CSTPP1: variants seen among roughly 807,000 people sequenced by gnomAD.
CSTPP1 encodes the protein centriolar satellite-associated tubulin polyglutamylase complex regulator 1, also known as UPF0705 protein C11orf49.
the CSTPP1 span, among the ~76,000 whole-genome samples, chr11:47,029,231 G>T: frequency 6.6e-6 from 1 of 152,070 alleles, no homozygotes; most frequent in African/African-American, 2.4e-5. Flanking sequence ...TGCCCCAAAA[G>T]TCTTCTCCTC....
chr11:46,979,525 A>C, the CSTPP1 span, among the ~76,000 whole-genome samples: 2 of 152,182 alleles, frequency 1.3e-5, no homozygotes, highest in African/African-American at 4.8e-5. Flanking sequence ...AACTGTGGGA[A>C]ACTTAAGTGC....
the CSTPP1 span, among the ~76,000 whole-genome samples, chr11:47,068,819 G>A: frequency 5.9e-5 from 9 of 152,106 alleles, no homozygotes; most frequent in Non-Finnish European, 8.8e-5. Flanking sequence ...GACAACATCT[G>A]TCTTCTCATC....
At chr11:47,029,838 C>G in the CSTPP1 span, among the ~76,000 whole-genome samples, 1 of 151,130 alleles carries the variant, frequency 6.6e-6, no homozygotes, top group East Asian at 2.0e-4. Flanking sequence ...TGGCTCACAC[C>G]TATAATCCTA....
chr11:46,959,864 A>AT, the CSTPP1 span, among the ~76,000 whole-genome samples: 1 of 143,106 alleles, frequency 7.0e-6, no homozygotes, highest in African/African-American at 3.0e-5. Context: ...GGGTTTAAAT[A>AT]ATTTTTTTTT....
chr11:46,988,770 C>G, the CSTPP1 span, among the ~76,000 whole-genome samples: 2 of 152,070 alleles, frequency 1.3e-5, no homozygotes, highest in African/African-American at 4.8e-5. Flanking sequence ...GGTGGATACC[C>G]TATTCTCCAT....
chr11:47,040,261 A>G, the CSTPP1 span, among the ~76,000 whole-genome samples: 4 of 128,670 alleles, frequency 3.1e-5, 2 homozygotes, highest in Non-Finnish European at 7.4e-5. Flanking sequence ...AGAACATTCT[A>G]CAAAGTAACC....
the CSTPP1 span, among the ~76,000 whole-genome samples, chr11:47,136,091 C>G: frequency 6.6e-6 from 1 of 152,122 alleles, no homozygotes; most frequent in African/African-American, 2.4e-5. Flanking sequence ...CACTCTGACT[C>G]TCCCTAAGAA....
the CSTPP1 span, among the ~76,000 whole-genome samples, chr11:46,956,918 T>C: frequency 6.6e-6 from 1 of 151,476 alleles, no homozygotes; most frequent in Admixed American, 6.6e-5. Context: ...ATAGTATATA[T>C]GTATATATAT....
At chr11:46,973,307 T>C in the CSTPP1 span, among the ~76,000 whole-genome samples, 1 of 152,176 alleles carries the variant, frequency 6.6e-6, no homozygotes, top group Non-Finnish European at 1.5e-5. Context: ...TTGCCAGATA[T>C]ATTAGTTTGA....
At chr11:46,991,890 G>A in the CSTPP1 span, among the ~76,000 whole-genome samples, 9,222 of 152,102 alleles carry the variant, frequency 0.061, 366 homozygotes, top group Middle Eastern at 0.095. Context: ...ACAGGCACCC[G>A]CCACCATACC....
At chr11:47,122,091 A>AAAAAAAAAAAAAATATATATATAT in the CSTPP1 span, among the ~76,000 whole-genome samples, 1 of 31,834 alleles carries the variant, frequency 3.1e-5, no homozygotes, top group African/African-American at 9.7e-5. Flanking sequence ...AAAAAAAAAA[A>AAAAAAAAAAAAAATATATATATAT]ATATATATAT....
the CSTPP1 span, among the ~76,000 whole-genome samples, chr11:47,088,544 ATATT>A: frequency 3.3e-5 from 5 of 152,006 alleles, no homozygotes; most frequent in East Asian, 3.9e-4. Flanking sequence ...AATTTTAGTA[ATATT>A]TATTTATTTA....
At chr11:47,012,045 C>T in the CSTPP1 span, among the ~76,000 whole-genome samples, 6 of 151,382 alleles carry the variant, frequency 4.0e-5, no homozygotes, top group African/African-American at 4.9e-5. Flanking sequence ...GAGGCTGAAG[C>T]GGGAGGATTG....
At chr11:47,110,890 C>CTTTTTTTTTTTTTTTT in the CSTPP1 span, among the ~76,000 whole-genome samples, 1 of 125,472 alleles carries the variant, frequency 8.0e-6, no homozygotes, top group South Asian at 2.6e-4. Context: ...GAGAACACAT[C>CTTTTTTTTTTTTTTTT]TTTTTTTTTT....
At chr11:47,156,041 TA>T in the CSTPP1 span, 1 of 152,218 alleles carries the variant, frequency 6.6e-6, no homozygotes, top group Non-Finnish European at 1.5e-5. Context: ...GCTCTTCCAG[TA>T]AATAGAAGGC....
the CSTPP1 span, among the ~76,000 whole-genome samples, chr11:47,061,541 A>G: frequency 6.6e-6 from 1 of 152,190 alleles, no homozygotes; most frequent in Non-Finnish European, 1.5e-5. Context: ...GCTTTACTAC[A>G]GGAGTGGGTG....
At chr11:47,072,936 TG>T in the CSTPP1 span, among the ~76,000 whole-genome samples, 4 of 152,192 alleles carry the variant, frequency 2.6e-5, no homozygotes, top group African/African-American at 9.6e-5. Flanking sequence ...GAGAACAGCA[TG>T]ATGGTAGAGT....
the CSTPP1 span, among the ~76,000 whole-genome samples, chr11:47,062,784 T>A: frequency 3.9e-5 from 6 of 152,334 alleles, no homozygotes; most frequent in Admixed American, 3.9e-4. Context: ...TGACTTTCAG[T>A]GTTAAAAATA....
At chr11:47,112,310 C>CTTGT in the CSTPP1 span, among the ~76,000 whole-genome samples, 1 of 134,276 alleles carries the variant, frequency 7.4e-6, no homozygotes, top group African/African-American at 2.7e-5. Context: ...TTCTATATAG[C>CTTGT]TTATTTGTTT....
Sources: gnomAD v4.1 joint callset for allele counts (sites outside exome capture counted in the v4.1 genomes callset) on GRCh38, gnomAD v4.1.1 for gene constraint, MANE v1.5 for transcripts, NCBI Gene and HGNC (gene_info 2026-07-23, HGNC 2026-07-21) for gene names.